The following TAFA5 variants were observed in gnomAD, a reference collection of about 807,000 sequenced individuals.
TAFA5 encodes the protein TAFA chemokine like family member 5, also known as chemokine-like protein TAFA-5.
In TAFA5, 6 loss-of-function variants were observed where a neutral mutation model predicts 15.3. The observed-to-expected ratio is 0.39, with a 90% CI of 0.21 to 0.77. The LOEUF (loss-of-function observed/expected upper bound fraction) is 0.77, where lower values mean the gene tolerates loss of function less well. Ranked by LOEUF, TAFA5 falls within the 30% of genes least tolerant of loss-of-function variation. The pLI is 0.41. For missense variants in TAFA5, 161 were observed against 193.1 expected (o/e 0.83, Z 0.98); for synonymous variants, 103 against 80.7 (o/e 1.28, Z -1.48).
At chr22:48,680,407 G>T (rs114861522) in intron 2 of TAFA5, among the ~76,000 whole-genome samples, 2 of 152,144 alleles carry the variant, frequency 1.3e-5, no homozygotes, top group East Asian at 3.9e-4. Context: ...AGTCCCTGCT[G>T]CCGGGGCCCT....
chr22:48,643,370 G>A (rs888653169), intron 1 of TAFA5, among the ~76,000 whole-genome samples: 5 of 152,322 alleles, frequency 3.3e-5, no homozygotes, highest in Admixed American at 2.6e-4. Context: ...GCACCGTCTC[G>A]TCCATGGAGT....
chr22:48,557,502 C>G (rs945126869), intron 1 of TAFA5, among the ~76,000 whole-genome samples: 1 of 152,192 alleles, frequency 6.6e-6, no homozygotes, highest in African/African-American at 2.4e-5. Flanking sequence ...CCGTTCTGTT[C>G]TGGCCACCCT....
intron 2 of TAFA5, among the ~76,000 whole-genome samples, chr22:48,690,437 C>T (rs1459363371): frequency 6.6e-6 from 1 of 152,094 alleles, no homozygotes; most frequent in African/African-American, 2.4e-5. Flanking sequence ...GCCCAGTGTG[C>T]AGCCTCCACC....
chr22:48,597,923 G>A (rs73173432), intron 1 of TAFA5, among the ~76,000 whole-genome samples: 14,079 of 152,254 alleles, frequency 0.092, 715 homozygotes, highest in South Asian at 0.17. Context: ...TGAGCGTGAC[G>A]CTGATGGCAT....
At chr22:48,504,383 G>C (rs1408881207) in intron 1 of TAFA5, among the ~76,000 whole-genome samples, 2 of 152,234 alleles carry the variant, frequency 1.3e-5, no homozygotes, top group Admixed American at 1.3e-4. Flanking sequence ...GCAGCAGAAA[G>C]ACTTCCGGGG....
Position 48,584,269 on chromosome 22 carries a change from C to CCA in TAFA5, c.113-62314_113-62313dup, listed in dbSNP as rs568489331. ...ACACACTTACAAAATACATCACACA[C>CCA]CACACACACACACACCACACACAGC... On this transcript the variant is annotated intron_variant, in intron 1 of 3. Coordinates refer to ENST00000402357, the MANE Select transcript of TAFA5 (RefSeq NM_001082967.3). Among the ~76,000 whole-genome samples the CCA allele has an allele frequency of 1.1e-3, 115 of 104,276 alleles. 1 individual carries two copies. The highest frequency in any genetic ancestry group is 5.8e-4 in the Non-Finnish European group (28 of 48,618). The allele number at this position is 104,276 out of a possible 152,430, so 68.4% of individuals were successfully genotyped here. A position where few individuals can be genotyped will look rare whatever the true frequency, so the allele number is the denominator to read the frequency against.
In TAFA5 at chr22:48,625,555, C is replaced by T. The variant is rs562473878; in HGVS notation, c.113-21042C>T. ...GCTTACGATCAGGTCCTTTTGCTTT[C>T]AGTCTTACAGACCTCACCCCTTTCC... On this transcript the variant is annotated intron_variant, in intron 1 of 3. Coordinates refer to ENST00000402357, the MANE Select transcript of TAFA5 (RefSeq NM_001082967.3). 2.0e-3 allele frequency among the ~76,000 whole-genome samples: 299 copies of T among 152,336 alleles called. 3 individuals are homozygous for T. The highest frequency in any genetic ancestry group is 0.014 in the Middle Eastern group (4 of 294).
intron 1 of TAFA5, among the ~76,000 whole-genome samples, chr22:48,640,418 C>T (rs1296032308): frequency 6.6e-6 from 1 of 152,222 alleles, no homozygotes; most frequent in Non-Finnish European, 1.5e-5. Context: ...AGTGCAGACA[C>T]AGCCTGGGCT....
intron 1 of TAFA5, among the ~76,000 whole-genome samples, chr22:48,627,369 G>A (rs1013573000): frequency 5.9e-5 from 9 of 152,244 alleles, no homozygotes; most frequent in Admixed American, 2.0e-4. Flanking sequence ...GGTGGCGGGG[G>A]AGGCAGCCCC....
chr22:48,504,318 G>T (rs571953114), intron 1 of TAFA5, among the ~76,000 whole-genome samples: 1 of 152,184 alleles, frequency 6.6e-6, no homozygotes, highest in African/African-American at 2.4e-5. Flanking sequence ...TTTAGCAAAG[G>T]TCCATTCTTA....
At chr22:48,588,316 A>G (rs916116108) in intron 1 of TAFA5, among the ~76,000 whole-genome samples, 1 of 152,108 alleles carries the variant, frequency 6.6e-6, no homozygotes, top group Non-Finnish European at 1.5e-5. Flanking sequence ...TGACTTTGCC[A>G]TTGAGGAAAT....
Position 48,550,484 on chromosome 22 carries a change from T to C in TAFA5, c.112+60780T>C, listed in dbSNP as rs1363693654. On this transcript the variant is annotated intron_variant, in intron 1 of 3. Coordinates refer to ENST00000402357, the MANE Select transcript of TAFA5 (RefSeq NM_001082967.3). This position sits in a 1 kb window ranked among gnomAD's most constrained non-coding sequence, Gnocchi z 4.1. Reference sequence around the variant, plus strand: ...CTGGATGGAACCAGATGTGAGGGCTTTGACCCCCACGGAGCCAGGTGCCCC... The same window carrying C: ...CTGGATGGAACCAGATGTGAGGGCTCTGACCCCCACGGAGCCAGGTGCCCC... 6.6e-6 allele frequency among the ~76,000 whole-genome samples: 1 copy of C among 152,188 alleles called. No homozygotes were observed.
chr22:48,577,441 T>TC (rs1923854581), intron 1 of TAFA5, among the ~76,000 whole-genome samples: 3 of 152,094 alleles, frequency 2.0e-5, no homozygotes, highest in South Asian at 4.2e-4. Flanking sequence ...GGCGTTGGCC[T>TC]CCCCCCGGGC....
chr22:48,673,069 T>G (rs1004340529), intron 2 of TAFA5, among the ~76,000 whole-genome samples: 4 of 152,174 alleles, frequency 2.6e-5, no homozygotes, highest in Non-Finnish European at 4.4e-5. Flanking sequence ...ATCTCCAGCT[T>G]CTTCTTTTAC....
At chr22:48,558,803 G>A (rs1001121797) in intron 1 of TAFA5, among the ~76,000 whole-genome samples, 1 of 152,364 alleles carries the variant, frequency 6.6e-6, no homozygotes, top group South Asian at 2.1e-4. Flanking sequence ...AGGTCAGGAG[G>A]ATACCCTGGG....
At chr22:48,728,110 T>C (rs1019092503) in intron 3 of TAFA5, among the ~76,000 whole-genome samples, 1 of 152,222 alleles carries the variant, frequency 6.6e-6, no homozygotes, top group African/African-American at 2.4e-5. Context: ...ATCTAAATTA[T>C]AGTATACAAA....
Position 48,591,159 on chromosome 22 carries a change from C to T in TAFA5, c.113-55438C>T, listed in dbSNP as rs114420061. Among the ~76,000 whole-genome samples, 331 of 152,370 alleles carry T rather than the reference C, an allele frequency of 2.2e-3. 2 individuals carry two copies. The highest frequency in any genetic ancestry group is 7.7e-3 in the African/African-American group (322 of 41,594). ...GCACTAATTTATCTTAGTTGAAACA[C>T]ACATTTCTCTTTTCTCTGAAGTTGG... On this transcript the variant is annotated intron_variant, in intron 1 of 3. Transcript: ENST00000402357.
At chr22:48,667,787 G>A (rs1172462834) in intron 2 of TAFA5, among the ~76,000 whole-genome samples, 3 of 75,048 alleles carry the variant, frequency 4.0e-5, no homozygotes, top group Non-Finnish European at 8.0e-5. Flanking sequence ...TAATCCCCCA[G>A]CACTCAGGAC....
At chr22:48,640,361 CATGA>C (rs1338799424) in intron 1 of TAFA5, among the ~76,000 whole-genome samples, 2 of 152,202 alleles carry the variant, frequency 1.3e-5, no homozygotes, top group African/African-American at 4.8e-5. Context: ...CGATGAGGGA[CATGA>C]ATGGGCCCAC....
Sources: allele counts gnomAD v4.1 joint callset (sites outside exome capture counted in the v4.1 genomes callset), GRCh38; gene constraint gnomAD v4.1.1; non-coding constraint Gnocchi (gnomAD v3.1); transcripts MANE v1.5; gene names NCBI Gene and HGNC (gene_info 2026-07-23, HGNC 2026-07-21).